Variants in CNTNAP2 observed in about 807,000 individuals in gnomAD.
CNTNAP2 encodes the protein contactin-associated protein-like 2.
A neutral mutation model predicts 155.2 loss-of-function variants in CNTNAP2; 98 were observed. That is an observed-to-expected ratio of 0.63 (90% CI 0.54 to 0.75). CNTNAP2 has a LOEUF of 0.75. Ranked by LOEUF, CNTNAP2 falls within the 30% of genes least tolerant of loss-of-function variation. The pLI is 0.00. For missense variants in CNTNAP2, 1,727 were observed against 1,688.1 expected (o/e 1.02, Z -0.40); for synonymous variants, 651 against 631.2 (o/e 1.03, Z -0.47).
At chr7:146,909,206 C>G (rs1218695435) in intron 3 of CNTNAP2, among the ~76,000 whole-genome samples, 1 of 150,164 alleles carries the variant, frequency 6.7e-6, no homozygotes, top group African/African-American at 2.5e-5. Context: ...GGATTCACAG[C>G]CGAATTCTAC....
intron 22 of CNTNAP2, among the ~76,000 whole-genome samples, chr7:148,387,352 C>T (rs910161983): frequency 6.6e-6 from 1 of 152,142 alleles, no homozygotes; most frequent in African/African-American, 2.4e-5. Context: ...AATAAGATTC[C>T]TTGCTATCAG....
chr7:146,559,613 C>T (rs570218686), intron 1 of CNTNAP2, among the ~76,000 whole-genome samples: 1 of 151,742 alleles, frequency 6.6e-6, no homozygotes, highest in African/African-American at 2.4e-5. Context: ...ACAGAAAAAT[C>T]GAATTATTTT....
At position 146,203,780 on chromosome 7, in the gene CNTNAP2, A is replaced by G. The variant is rs565464482; in HGVS notation, c.97+86807A>G. On this transcript the variant is annotated intron_variant, in intron 1 of 23. Transcript: ENST00000361727. ...CAGCCCTCAGTCTACTAGTCAACTCAGTAGCATACAGAATTTATTACTTTG... is the reference window on the plus strand; with the variant it reads ...CAGCCCTCAGTCTACTAGTCAACTCGGTAGCATACAGAATTTATTACTTTG... Among the ~76,000 whole-genome samples, 243 of 152,224 alleles carry G rather than the reference A, an allele frequency of 1.6e-3. 2 individuals carry two copies. The highest frequency in any genetic ancestry group is 5.7e-3 in the African/African-American group (237 of 41,546).
intron 1 of CNTNAP2, among the ~76,000 whole-genome samples, chr7:146,561,332 A>C (rs1260239279): frequency 6.6e-6 from 1 of 152,192 alleles, no homozygotes; most frequent in East Asian, 1.9e-4. Flanking sequence ...TATGGCACAC[A>C]GGTCAGAATA....
chr7:147,644,760 C>T (rs1030173967), intron 13 of CNTNAP2, among the ~76,000 whole-genome samples: 1 of 152,158 alleles, frequency 6.6e-6, no homozygotes, highest in East Asian at 1.9e-4. Context: ...TGTATTTGGA[C>T]AAGAACTATT....
At chr7:147,511,902 G>A (rs1034935775) in intron 11 of CNTNAP2, among the ~76,000 whole-genome samples, 7 of 152,256 alleles carry the variant, frequency 4.6e-5, no homozygotes, top group Non-Finnish European at 8.8e-5. Context: ...TATAGCAGGA[G>A]GTACAGGTGC....
intron 10 of CNTNAP2, among the ~76,000 whole-genome samples, chr7:147,470,555 A>C (rs1798200022): frequency 6.6e-6 from 1 of 152,102 alleles, no homozygotes; most frequent in Non-Finnish European, 1.5e-5. Context: ...TAACAGCAGT[A>C]GAGATGGTAG....
chr7:148,061,127 T>C (rs1803121221), intron 15 of CNTNAP2, among the ~76,000 whole-genome samples: 1 of 152,182 alleles, frequency 6.6e-6, no homozygotes, highest in Admixed American at 6.5e-5. Flanking sequence ...TTAATGAAGA[T>C]ATAGGTTAAA....
At chr7:147,569,192 A>G (rs1184349856) in intron 12 of CNTNAP2, among the ~76,000 whole-genome samples, 1 of 152,212 alleles carries the variant, frequency 6.6e-6, no homozygotes, top group Non-Finnish European at 1.5e-5. Flanking sequence ...TAATATTTAT[A>G]GAGAGCTTGT....
At chr7:147,928,238 A>G (rs1800434529) in intron 14 of CNTNAP2, among the ~76,000 whole-genome samples, 1 of 152,182 alleles carries the variant, frequency 6.6e-6, no homozygotes, top group African/African-American at 2.4e-5. Flanking sequence ...AGTCTCGGGT[A>G]ATTAGCAGCA....
chr7:148,401,163 T>C (rs1316338147), intron 22 of CNTNAP2, among the ~76,000 whole-genome samples: 1 of 152,178 alleles, frequency 6.6e-6, no homozygotes, highest in African/African-American at 2.4e-5. Flanking sequence ...CTCCTGGCAG[T>C]GAGGCTCTCT....
intron 1 of CNTNAP2, among the ~76,000 whole-genome samples, chr7:146,524,925 T>A (rs1797666052): frequency 6.6e-6 from 1 of 152,110 alleles, no homozygotes; most frequent in Non-Finnish European, 1.5e-5. Flanking sequence ...AAAGATTCAT[T>A]ATATTTCCTA....
At chr7:147,725,997 C>T (rs1378981685) in intron 13 of CNTNAP2, among the ~76,000 whole-genome samples, 1 of 151,764 alleles carries the variant, frequency 6.6e-6, no homozygotes, top group Non-Finnish European at 1.5e-5. Flanking sequence ...AAGAAAACAA[C>T]AGGAGATAGG....
At chr7:148,322,773 T>TG (rs1797816319) in intron 21 of CNTNAP2, among the ~76,000 whole-genome samples, 2 of 149,194 alleles carry the variant, frequency 1.3e-5, no homozygotes, top group Non-Finnish European at 3.0e-5. Flanking sequence ...AGTTTTGTTT[T>TG]GTTTTGTTTT....
intron 1 of CNTNAP2, among the ~76,000 whole-genome samples, chr7:146,508,183 G>A (rs77433580): frequency 0.018 from 2,810 of 152,216 alleles, 53 homozygotes; most frequent in Non-Finnish European, 0.027. Context: ...CTCAGTTATC[G>A]CCATATGGCC....
chr7:146,205,131 A>G (rs1437278520), intron 1 of CNTNAP2, among the ~76,000 whole-genome samples: 1 of 152,006 alleles, frequency 6.6e-6, no homozygotes, highest in Non-Finnish European at 1.5e-5. Context: ...GATATCTAGA[A>G]TCCCTTTCTC....
chr7:146,281,687 C>T (rs991208804), intron 1 of CNTNAP2, among the ~76,000 whole-genome samples: 8 of 151,648 alleles, frequency 5.3e-5, no homozygotes, highest in Non-Finnish European at 1.0e-4. Flanking sequence ...CCCAGCAACT[C>T]GGGAGACTGA....
intron 12 of CNTNAP2, among the ~76,000 whole-genome samples, chr7:147,624,028 T>C (rs964015662): frequency 6.6e-6 from 1 of 152,072 alleles, no homozygotes; most frequent in Admixed American, 6.6e-5. Context: ...GTCTCTTCAA[T>C]AAATGGTTCT....
At chr7:147,029,033 G>A (rs977442831) in intron 3 of CNTNAP2, among the ~76,000 whole-genome samples, 3 of 140,856 alleles carry the variant, frequency 2.1e-5, no homozygotes, top group Non-Finnish European at 3.0e-5. Flanking sequence ...GTGCGATCTC[G>A]GCTCACTGCA....
Sources: allele counts gnomAD v4.1 joint callset (sites outside exome capture counted in the v4.1 genomes callset), GRCh38; gene constraint gnomAD v4.1.1; transcripts MANE v1.5; gene names NCBI Gene and HGNC (gene_info 2026-07-23, HGNC 2026-07-21).